Variants in SHC4 observed in about 807,000 individuals in gnomAD.
SHC4 encodes the protein SHC-transforming protein 4.
A neutral mutation model predicts 69.4 loss-of-function variants in SHC4; 41 were observed. That is an observed-to-expected ratio of 0.59 (90% CI 0.46 to 0.77). The LOEUF (loss-of-function observed/expected upper bound fraction) is 0.77. SHC4 is among the 30% of genes least tolerant of loss of function. The pLI, the probability that SHC4 is intolerant of heterozygous loss-of-function variation, is 0.00. For missense variants in SHC4, 777 were observed against 783.8 expected (o/e 0.99, Z 0.10); for synonymous variants, 318 against 299.3 (o/e 1.06, Z -0.64).
intron 2 of SHC4, among the ~76,000 whole-genome samples, chr15:48,908,423 T>C (rs1414438276): frequency 6.6e-6 from 1 of 152,230 alleles, no homozygotes; most frequent in South Asian, 2.1e-4. Flanking sequence ...CTAATTTGTT[T>C]GAGTTCATTG....
intron 10 of SHC4, among the ~76,000 whole-genome samples, chr15:48,836,540 C>G (rs114808039): frequency 0.011 from 1,684 of 152,066 alleles, 36 homozygotes; most frequent in African/African-American, 0.039. Context: ...AGAAACTAGA[C>G]TTTGTTTCTT....
At chr15:48,880,985 AGT>A (rs10523567) in intron 4 of SHC4, among the ~76,000 whole-genome samples, 33,659 of 145,650 alleles carry the variant, frequency 0.23, 3,756 homozygotes, top group Non-Finnish European at 0.25. Flanking sequence ...TGTGTGTGAG[AGT>A]GTGTGTGTGT....
chr15:48,838,898 A>G (rs1274485436), intron 10 of SHC4, among the ~76,000 whole-genome samples: 2 of 152,180 alleles, frequency 1.3e-5, no homozygotes, highest in African/African-American at 4.8e-5. Flanking sequence ...TAAATATTTT[A>G]TTATGAAAAT....
At chr15:48,910,696 A>G (rs1414938437) in intron 2 of SHC4, among the ~76,000 whole-genome samples, 2 of 152,090 alleles carry the variant, frequency 1.3e-5, no homozygotes, top group African/African-American at 4.8e-5. Flanking sequence ...TGATGTAGAC[A>G]TTTATGGCTA....
At chr15:48,943,881 C>T (rs1218495064) in intron 1 of SHC4, among the ~76,000 whole-genome samples, 1 of 152,028 alleles carries the variant, frequency 6.6e-6, no homozygotes, top group African/African-American at 2.4e-5. Context: ...CAATAACATC[C>T]TCTCACATCT....
chr15:48,864,736 C>T (rs1477607719), intron 6 of SHC4, among the ~76,000 whole-genome samples: 13 of 152,028 alleles, frequency 8.6e-5, no homozygotes, highest in East Asian at 5.8e-4. Flanking sequence ...CGTGAGCCAC[C>T]GCGCCCGGCC....
Position 48,962,646 on chromosome 15 carries a change from C to T in SHC4, c.370G>A (p.Asp124Asn). The T allele has an allele frequency of 1.2e-6, 2 of 1,614,206 alleles. No individual in the cohort carries two copies. Among genetic ancestry groups the T allele is most frequent in the Non-Finnish European group, 1.7e-6 (2 of 1,180,042 alleles). The change falls in exon 1 of 12, where the codon GAC becomes AAC. Residue 124 changes from aspartate to asparagine, a missense_variant. Transcript: ENST00000332408. ...GAAGAGGGGCCGCTGGAACCTGGGTCCCGGCTTTCCTGGAGCTTCAGCCGA... is the reference window on the plus strand; with the variant it reads ...GAAGAGGGGCCGCTGGAACCTGGGTTCCGGCTTTCCTGGAGCTTCAGCCGA... ...VPRLKLQESR[D>N]PGSSGPSSPE...
At chr15:48,855,720 G>A (rs1480000272) in intron 8 of SHC4, among the ~76,000 whole-genome samples, 2 of 152,054 alleles carry the variant, frequency 1.3e-5, no homozygotes, top group African/African-American at 4.8e-5. Context: ...ATGTTGGATC[G>A]CCTCAGTCTT....
chr15:48,895,760 G>A (rs1381419465), intron 2 of SHC4, among the ~76,000 whole-genome samples: 2 of 152,150 alleles, frequency 1.3e-5, no homozygotes, highest in African/African-American at 2.4e-5. Flanking sequence ...AAAAAAAGGG[G>A]AAAACTTGTG....
chr15:48,959,624 T>C (rs1049763082), intron 1 of SHC4, among the ~76,000 whole-genome samples: 2 of 152,236 alleles, frequency 1.3e-5, no homozygotes, highest in Admixed American at 6.5e-5. Context: ...ATCATCTTTC[T>C]CTCAGTTCTC....
At chr15:48,885,702 T>A (rs952242950) in intron 3 of SHC4, among the ~76,000 whole-genome samples, 5 of 152,230 alleles carry the variant, frequency 3.3e-5, no homozygotes, top group Non-Finnish European at 4.4e-5. Context: ...AAACACACAC[T>A]GTTGAAATTT....
intron 5 of SHC4, among the ~76,000 whole-genome samples, chr15:48,868,440 T>TA (rs1043616530): frequency 9.9e-5 from 15 of 151,866 alleles, no homozygotes; most frequent in African/African-American, 2.2e-4. Context: ...AAAATCATTT[T>TA]AAAAAAAAGA....
At chr15:48,903,234 A>T (rs980990450) in intron 2 of SHC4, among the ~76,000 whole-genome samples, 2 of 152,196 alleles carry the variant, frequency 1.3e-5, no homozygotes, top group African/African-American at 4.8e-5. Context: ...CCAGCAGGAA[A>T]TGGAATAAAT....
At chr15:48,926,610 A>G (rs1053087192) in intron 1 of SHC4, among the ~76,000 whole-genome samples, 1 of 151,954 alleles carries the variant, frequency 6.6e-6, no homozygotes, top group African/African-American at 2.4e-5. Flanking sequence ...TTACAGGCGC[A>G]TGCCACTGCA....
intron 3 of SHC4, among the ~76,000 whole-genome samples, chr15:48,888,949 G>T (rs925467296): frequency 6.8e-6 from 1 of 147,824 alleles, no homozygotes; most frequent in African/African-American, 2.5e-5. Flanking sequence ...CCACAATAAA[G>T]TGGAGAGAAA....
rs201551255 is a variant in SHC4, at chr15:48,962,909, T to G, written c.107A>C (p.Glu36Ala). 99 of 1,613,230 alleles carry G rather than the reference T, an allele frequency of 6.1e-5. No individual in the cohort carries two copies. Among genetic ancestry groups the G allele is most frequent in the Admixed American group, 1.0e-4 (6 of 59,988 alleles). ...HRAKYSRFRNESITSLDEGSS... is the reference protein window; with the variant it reads ...HRAKYSRFRNASITSLDEGSS... The stretch of plus-strand genomic sequence containing the variant: ...ACCTTCGTCCAAGGACGTGATCGAC[T>G]CGTTCCGAAAGCGGCTGTACTTGGC... Residue 36 changes from glutamate (E) to alanine (A), a missense_variant, in exon 1 of 12, where the codon GAG (glutamate) becomes GCG (alanine). Glu to Ala is a moderately radical substitution (Grantham distance 107, BLOSUM62 -1). Coordinates refer to ENST00000332408, the MANE Select transcript of SHC4 (RefSeq NM_203349.4).
At chr15:48,847,682 C>T (rs1181140627) in intron 9 of SHC4, among the ~76,000 whole-genome samples, 1 of 152,170 alleles carries the variant, frequency 6.6e-6, no homozygotes, top group East Asian at 1.9e-4. Flanking sequence ...GCTCATTGGT[C>T]AAGAATTTCG....
chr15:48,900,842 G>T (rs1034141110), intron 2 of SHC4, among the ~76,000 whole-genome samples: 10 of 152,170 alleles, frequency 6.6e-5, no homozygotes, highest in African/African-American at 2.2e-4. Flanking sequence ...GGGGTCAGAA[G>T]TTTTAAGATC....
chr15:48,871,745 G>T (rs1478626216), intron 5 of SHC4, among the ~76,000 whole-genome samples: 2 of 152,156 alleles, frequency 1.3e-5, no homozygotes, highest in Non-Finnish European at 2.9e-5. Flanking sequence ...TCTAAGGAAG[G>T]ATTGAGCAAC....
Sources: gnomAD v4.1 joint callset for allele counts (sites outside exome capture counted in the v4.1 genomes callset) on GRCh38, gnomAD v4.1.1 for gene constraint, MANE v1.5 for transcripts, NCBI Gene and HGNC (gene_info 2026-07-23, HGNC 2026-07-21) for gene names.